Variants in AP2B1 observed in about 807,000 individuals in gnomAD.
AP2B1 encodes the protein adaptor related protein complex 2 subunit beta 1.
A neutral mutation model predicts 102.0 loss-of-function variants in AP2B1; 23 were observed. That is an observed-to-expected ratio of 0.23 (90% CI 0.16 to 0.32). The LOEUF (loss-of-function observed/expected upper bound fraction) is 0.32, where lower values mean the gene tolerates loss of function less well. Ranked by LOEUF, AP2B1 falls within the 10% of genes least tolerant of loss-of-function variation. The probability of loss-of-function intolerance (pLI) is 1.00; values close to 1 mark genes in which losing one functional copy is unlikely to be tolerated. For synonymous variants in AP2B1, 381 were observed against 421.2 expected (o/e 0.90, Z 1.17); for missense variants, 541 against 1,157.4 (o/e 0.47, Z 7.73).
rs587700657 is a variant in AP2B1 at position 35,684,943 on chromosome 17, C to T, written c.2454+2119C>T. 7.2e-5 allele frequency among the ~76,000 whole-genome samples: 11 copies of T among 152,300 alleles called. No individual in the cohort carries two copies. In the South Asian group the frequency reaches 1.5e-3, roughly 20 times the overall value. The stretch of plus-strand genomic sequence containing the variant: ...AATTAATGAATGTCAGTTTACTTTC[C>T]TGTTGGCATTTCCATTTGACTAACT... On this transcript the variant is annotated intron_variant, in intron 18 of 21. Coordinates refer to ENST00000610402, the MANE Select transcript of AP2B1 (RefSeq NM_001030006.2).
intron 17 of AP2B1, among the ~76,000 whole-genome samples, chr17:35,677,985 G>A (rs980483330): frequency 6.6e-6 from 1 of 151,352 alleles, no homozygotes; most frequent in African/African-American, 2.4e-5. Flanking sequence ...TCAGCCTCCT[G>A]AGTAGCTGGG....
rs140163550 is a variant in AP2B1, at chr17:35,679,277, G to C, written c.2325-3418G>C. Among the ~76,000 whole-genome samples the C allele has an allele frequency of 3.0e-3, 450 of 152,162 alleles. 1 individual carries two copies. The highest frequency in any genetic ancestry group is 4.5e-3 in the Non-Finnish European group (309 of 68,006). The stretch of plus-strand genomic sequence containing the variant: ...CTAGAGGGCTGATCTTTGCCTTCAA[G>C]CCCTGTCTTTCAAGGAAGCCCTGTC... On this transcript the variant is annotated intron_variant, in intron 17 of 21. Coordinates refer to ENST00000610402, the MANE Select transcript of AP2B1 (RefSeq NM_001030006.2).
intron 5 of AP2B1, among the ~76,000 whole-genome samples, chr17:35,614,072 C>G (rs772490644): frequency 2.0e-5 from 3 of 152,060 alleles, no homozygotes; most frequent in African/African-American, 4.8e-5. Context: ...CTTTTTTGCT[C>G]TCAGAGGCAT....
intron 12 of AP2B1, among the ~76,000 whole-genome samples, chr17:35,643,216 TAAG>T (rs2074834132): frequency 6.6e-6 from 1 of 152,130 alleles, no homozygotes; most frequent in African/African-American, 2.4e-5. Context: ...CATAATGTTT[TAAG>T]AAGGTTTACG....
chr17:35,602,249 ATATACT>A (rs1460934485), intron 3 of AP2B1, among the ~76,000 whole-genome samples: 9 of 152,252 alleles, frequency 5.9e-5, no homozygotes, highest in African/African-American at 1.9e-4. Flanking sequence ...GAAAAATAAA[ATATACT>A]TATGTAATTA....
At chr17:35,612,871 T>G (rs1175101042) in intron 5 of AP2B1, among the ~76,000 whole-genome samples, 2 of 95,236 alleles carry the variant, frequency 2.1e-5, no homozygotes, top group African/African-American at 8.0e-5. Flanking sequence ...CATTTAAATG[T>G]GTATGTGCGC....
In AP2B1 at chr17:35,704,627, G is replaced by T. The variant is rs1324684564; in HGVS notation, c.2455-4597G>T. On this transcript the variant is annotated intron_variant, in intron 18 of 21. Transcript: ENST00000610402. ...TAGAATTGTATGCGTTGGGTGCTGT[G>T]GGGAGGTGTTAGAGCTTTCTGGGAA... Among the ~76,000 whole-genome samples, 4 of 152,136 alleles carry T rather than the reference G, an allele frequency of 2.6e-5. No individual in the cohort carries two copies. The East Asian group carries it at 7.7e-4, about 29-fold the overall frequency.
rs189548384 is a variant in AP2B1, at chr17:35,605,852, C to T, written c.279+12C>T. On this transcript the variant is annotated intron_variant, in intron 4 of 21. Transcript: ENST00000610402. ...ACAGCTTTGTGAAGGTAACTTTTCC[C>T]AAGGCCTCAATAACAGAGTTTGAAT... 1,853 of 1,607,312 alleles carry T rather than the reference C, an allele frequency of 1.2e-3. 1 individual carries two copies. Among genetic ancestry groups the T allele is most frequent in the Non-Finnish European group, 1.5e-3 (1,787 of 1,177,434 alleles).
At chr17:35,608,058 A>G in intron 4 of AP2B1, 84 bp from the exon 5 acceptor site, 2 of 1,502,554 alleles carry the variant, frequency 1.3e-6, no homozygotes, top group South Asian at 2.5e-5. Flanking sequence ...TTAATGAGGT[A>G]ATTCTTTTGC....
At chr17:35,675,110 T>C (rs1035025550) in intron 17 of AP2B1, among the ~76,000 whole-genome samples, 16 of 152,188 alleles carry the variant, frequency 1.1e-4, no homozygotes, top group African/African-American at 3.6e-4. Flanking sequence ...CTTGACAACC[T>C]CCTTTTAGCA....
chr17:35,674,150 C>T, intron 16 of AP2B1, 26 bp from the exon 17 acceptor site: 1 of 1,602,128 alleles, frequency 6.2e-7, no homozygotes, highest in Non-Finnish European at 8.5e-7. Flanking sequence ...TTGTCTGATT[C>T]TATTGAGCTT....
chr17:35,683,664 A>C (rs2075871644), intron 18 of AP2B1, among the ~76,000 whole-genome samples: 1 of 152,212 alleles, frequency 6.6e-6, no homozygotes, highest in Non-Finnish European at 1.5e-5. Flanking sequence ...TTTGAAATAT[A>C]AACCTTCTGG....
At chr17:35,673,555 G>T (rs1427723578) in intron 16 of AP2B1, among the ~76,000 whole-genome samples, 1 of 152,024 alleles carries the variant, frequency 6.6e-6, no homozygotes, top group Non-Finnish European at 1.5e-5. Context: ...GGACCAAGGG[G>T]CGTGTTATGA....
chr17:35,596,109 C>T (rs1170946568), intron 2 of AP2B1, among the ~76,000 whole-genome samples: 1 of 152,130 alleles, frequency 6.6e-6, no homozygotes, highest in East Asian at 1.9e-4. Context: ...CCAGAACTGC[C>T]ACTGAAACAT....
At chr17:35,629,051 C>T (rs544749676) in intron 9 of AP2B1, among the ~76,000 whole-genome samples, 2 of 151,962 alleles carry the variant, frequency 1.3e-5, no homozygotes, top group South Asian at 2.1e-4. Flanking sequence ...CGGGCTCAAG[C>T]GACTCTTATG....
At chr17:35,671,233 A>G (rs2075580954) in intron 15 of AP2B1, among the ~76,000 whole-genome samples, 1 of 152,182 alleles carries the variant, frequency 6.6e-6, no homozygotes, top group Admixed American at 6.5e-5. Flanking sequence ...TGAGAGGGTC[A>G]GCTGGACTCA....
chr17:35,597,832 C>A (rs894014379), intron 2 of AP2B1, among the ~76,000 whole-genome samples: 1 of 152,158 alleles, frequency 6.6e-6, no homozygotes, highest in Non-Finnish European at 1.5e-5. Flanking sequence ...TAAAGCCGAG[C>A]GTGGGTAAAT....
At chr17:35,639,019 CTTACACCACAGGTTAA>C (rs1372018788) in intron 10 of AP2B1, among the ~76,000 whole-genome samples, 1 of 152,118 alleles carries the variant, frequency 6.6e-6, no homozygotes, top group Admixed American at 6.5e-5. Flanking sequence ...GTGGTATTAT[CTTACACCACAGGTTAA>C]TTTTTCCTTG....
chr17:35,609,186 C>T (rs955494210), intron 5 of AP2B1, among the ~76,000 whole-genome samples: 3 of 151,960 alleles, frequency 2.0e-5, no homozygotes, highest in Admixed American at 6.6e-5. Context: ...ATTTATCTAT[C>T]TATTTATTTA....
Sources: gnomAD v4.1 joint callset for allele counts (sites outside exome capture counted in the v4.1 genomes callset) on GRCh38, gnomAD v4.1.1 for gene constraint, MANE v1.5 for transcripts, NCBI Gene and HGNC (gene_info 2026-07-23, HGNC 2026-07-21) for gene names.